SRPK2: variants seen among roughly 807,000 people sequenced by gnomAD.
SRPK2 encodes SFRS protein kinase 2.
Under a neutral mutation model 90.8 loss-of-function variants are expected in SRPK2, and 21 were observed. The observed-to-expected ratio is 0.23, with a 90% CI of 0.16 to 0.33. SRPK2 has a LOEUF of 0.33. Ranked by LOEUF, SRPK2 falls within the 10% of genes least tolerant of loss-of-function variation. The probability of loss-of-function intolerance (pLI) is 1.00; values close to 1 mark genes in which losing one functional copy is unlikely to be tolerated. For synonymous variants in SRPK2, 288 were observed against 311.1 expected (o/e 0.93, Z 0.78); for missense variants, 620 against 869.0 (o/e 0.71, Z 3.60).
chr7:105,179,803 C>A (rs1443701339), intron 3 of SRPK2, among the ~76,000 whole-genome samples: 7 of 98,518 alleles, frequency 7.1e-5, no homozygotes, highest in Non-Finnish European at 9.1e-5. Flanking sequence ...CCAGCCTGGG[C>A]AACACAGTAA....
chr7:105,258,564 T>C (rs1249362178), intron 2 of SRPK2, among the ~76,000 whole-genome samples: 1 of 152,014 alleles, frequency 6.6e-6, no homozygotes, highest in African/African-American at 2.4e-5. Flanking sequence ...TACCAAAGCC[T>C]CGTAGAGACA....
At chr7:105,368,250 T>C (rs561929979) in intron 2 of SRPK2, among the ~76,000 whole-genome samples, 1 of 152,244 alleles carries the variant, frequency 6.6e-6, no homozygotes, top group South Asian at 2.1e-4. Context: ...AGAAAAACTG[T>C]TTTCCTGTAT....
At chr7:105,342,062 G>C (rs925353426) in intron 2 of SRPK2, among the ~76,000 whole-genome samples, 2 of 152,178 alleles carry the variant, frequency 1.3e-5, no homozygotes, top group South Asian at 2.1e-4. Flanking sequence ...TCGGGAGATC[G>C]AGACCATCCT....
At chr7:105,128,258 T>C (rs919072471) in intron 13 of SRPK2, among the ~76,000 whole-genome samples, 1 of 152,180 alleles carries the variant, frequency 6.6e-6, no homozygotes, top group Non-Finnish European at 1.5e-5. Flanking sequence ...AAGCATTAAT[T>C]TATGAACTCA....
chr7:105,140,554 T>C (rs1329324179), intron 11 of SRPK2, among the ~76,000 whole-genome samples: 2 of 151,608 alleles, frequency 1.3e-5, no homozygotes, highest in East Asian at 1.9e-4. Context: ...TGAGCTGAGA[T>C]TGCACCACTG....
intron 3 of SRPK2, among the ~76,000 whole-genome samples, chr7:105,170,997 GAAA>G (rs1791037530): frequency 4.4e-5 from 5 of 114,334 alleles, no homozygotes; most frequent in Admixed American, 9.6e-5. Context: ...GAAAGAAAGA[GAAA>G]GAAAGAAAGA....
chr7:105,369,127 TA>T (rs1447665468), intron 2 of SRPK2, among the ~76,000 whole-genome samples: 3 of 17,982 alleles, frequency 1.7e-4, no homozygotes, highest in South Asian at 2.9e-3. Flanking sequence ...AGATTTATTT[TA>T]TTATTATTAT....
At chr7:105,235,185 G>A (rs771864925) in intron 2 of SRPK2, among the ~76,000 whole-genome samples, 4 of 152,196 alleles carry the variant, frequency 2.6e-5, no homozygotes, top group Middle Eastern at 3.4e-3. Context: ...ATTTGGCAAC[G>A]GCTCCCACCA....
intron 2 of SRPK2, chr7:105,301,662 G>A: frequency 6.2e-7 from 1 of 1,611,514 alleles, no homozygotes. Flanking sequence ...TCTTAATAGA[G>A]ATTTCCTGGA....
At chr7:105,207,332 G>A (rs1796339773) in intron 2 of SRPK2, among the ~76,000 whole-genome samples, 5 of 152,086 alleles carry the variant, frequency 3.3e-5, no homozygotes, top group Admixed American at 2.6e-4. Context: ...GGTTTCTGAT[G>A]GCTTCTAGAG....
chr7:105,237,458 A>C (rs1800273355), intron 2 of SRPK2, among the ~76,000 whole-genome samples: 1 of 152,218 alleles, frequency 6.6e-6, no homozygotes, highest in Non-Finnish European at 1.5e-5. Context: ...TCATCAAACA[A>C]ATTTTCCTCA....
chr7:105,371,586 C>CA (rs66731193), intron 2 of SRPK2, among the ~76,000 whole-genome samples: 76,086 of 106,474 alleles, frequency 0.71, 28,947 homozygotes, highest in Non-Finnish European at 0.83. Flanking sequence ...CCCATCTCTA[C>CA]AAAAAAAAAA....
chr7:105,120,467 AACTAGGCAT>A (rs1462251686), intron 15 of SRPK2, among the ~76,000 whole-genome samples: 5 of 152,238 alleles, frequency 3.3e-5, no homozygotes, highest in African/African-American at 1.2e-4. Context: ...ATTCATCCAT[AACTAGGCAT>A]ACTATAAACT....
intron 2 of SRPK2, among the ~76,000 whole-genome samples, chr7:105,297,850 T>C (rs1316822191): frequency 4.6e-5 from 7 of 151,316 alleles, no homozygotes; most frequent in African/African-American, 7.3e-5. Context: ...CAAGCAATTC[T>C]CCTGCCTCAG....
At chr7:105,197,712 A>G (rs1042896283) in intron 3 of SRPK2, among the ~76,000 whole-genome samples, 12 of 152,206 alleles carry the variant, frequency 7.9e-5, no homozygotes, top group East Asian at 7.7e-4. Flanking sequence ...TAAGTTGGGG[A>G]TGCGGGGGAC....
chr7:105,143,031 T>TACTAATGGAGCTCTGAGAACCCC, intron 10 of SRPK2, 53 bp downstream of exon 10: 1 of 1,591,224 alleles, frequency 6.3e-7, no homozygotes, highest in Non-Finnish European at 8.6e-7. Context: ...GGCAGAACCC[T>TACTAATGGAGCTCTGAGAACCCC]ACTAATGGAG....
rs1349138276 is a variant in SRPK2, at chr7:105,125,321, T to C, written c.1915+927A>G. 4.6e-5 allele frequency among the ~76,000 whole-genome samples: 7 copies of C among 152,020 alleles called. No homozygotes were observed. The South Asian group carries it at 8.3e-4, about 18-fold the overall frequency. ...AGTGTGGCATAACACAATGGGAATG[T>C]AGGATGTCATTTTTAAGAATGTGAG... is the stretch of plus-strand genomic sequence containing the variant. On this transcript the variant is annotated intron_variant, in intron 15 of 15. Coordinates refer to ENST00000393651, the MANE Select transcript of SRPK2 (RefSeq NM_182692.3).
chr7:105,253,900 A>C (rs3823750), intron 2 of SRPK2, among the ~76,000 whole-genome samples: 28,050 of 65,770 alleles, frequency 0.43, 3,257 homozygotes, highest in East Asian at 0.68. Flanking sequence ...ATTTTAAAAA[A>C]AAACAAACAA....
At chr7:105,176,585 A>ATT (rs1372388758) in intron 3 of SRPK2, among the ~76,000 whole-genome samples, 1 of 30,710 alleles carries the variant, frequency 3.3e-5, no homozygotes, top group Admixed American at 3.5e-4. Context: ...GTGTGTATGT[A>ATT]TATATGTGTG....
Sources: gnomAD v4.1 joint callset for allele counts (sites outside exome capture counted in the v4.1 genomes callset) on GRCh38, gnomAD v4.1.1 for gene constraint, MANE v1.5 for transcripts, NCBI Gene and HGNC (gene_info 2026-07-23, HGNC 2026-07-21) for gene names.